TMLHE: variants seen among roughly 807,000 people sequenced by gnomAD.
TMLHE encodes the protein trimethyllysine hydroxylase, epsilon.
TMLHE carries 18 observed loss-of-function variants against 25.7 expected under a neutral mutation model. The observed-to-expected ratio is 0.70, with a 90% CI of 0.48 to 1.04. The LOEUF (loss-of-function observed/expected upper bound fraction) is 1.04. TMLHE is among the 50% of genes least tolerant of loss of function. The pLI, the probability that TMLHE is intolerant of heterozygous loss-of-function variation, is 0.00. For synonymous variants in TMLHE, 105 were observed against 97.0 expected, an observed-to-expected ratio of 1.08 and a Z score of -0.49; for missense variants, 236 against 259.0, an observed-to-expected ratio of 0.91 and a Z score of 0.61.
chrX:155,516,161 T>TC (rs1235301039), intron 3 of TMLHE, among the ~76,000 whole-genome samples: 1 of 41,248 alleles, frequency 2.4e-5, no homozygotes, highest in Non-Finnish European at 4.5e-5. Context: ...ATGCTATCCC[T>TC]CCCCCCTCCC....
intron 1 of TMLHE, among the ~76,000 whole-genome samples, chrX:155,547,237 C>T (rs983582225): frequency 1.2e-4 from 11 of 92,345 alleles, no homozygotes; most frequent in African/African-American, 1.8e-4. Context: ...CTCCGCCTCC[C>T]GGGTTCACGC....
At chrX:155,606,815 AC>A (rs1557347863) in intron 1 of TMLHE, among the ~76,000 whole-genome samples, 1 of 107,341 alleles carries the variant, frequency 9.3e-6, no homozygotes, top group African/African-American at 3.4e-5. Flanking sequence ...AAAAAAAAAA[AC>A]CCCATCAGAG....
chrX:155,581,525 A>G (rs2067628328), intron 1 of TMLHE, among the ~76,000 whole-genome samples: 1 of 111,096 alleles, frequency 9.0e-6, no homozygotes, highest in African/African-American at 3.3e-5. Context: ...CCTATACACC[A>G]ATTACAGACA....
In TMLHE at chrX:155,510,601, A is replaced by G. The variant is rs2067103086; in HGVS notation, c.758+1072T>C. The stretch of plus-strand genomic sequence containing the variant: ...AACTCATCATTTTTTATGGCTGCAT[A>G]GTATTCCATGGTGTATATGTGCCAC... On this transcript the variant is annotated intron_variant, in intron 5 of 7. Transcript: ENST00000334398. Among the ~76,000 whole-genome samples the G allele has an allele frequency of 4.6e-5, 5 of 109,613 alleles. No individual in the cohort carries two copies. In the South Asian group the frequency reaches 2.0e-3, roughly 43 times the overall value.
At chrX:155,568,652 T>C (rs782677909) in intron 1 of TMLHE, among the ~76,000 whole-genome samples, 829 of 49,920 alleles carry the variant, frequency 0.017, 24 homozygotes, top group Non-Finnish European at 0.032. Context: ...AGAGGAACGA[T>C]CAGACAGCAG....
At chrX:155,585,392 G>A (rs1256140619) in intron 1 of TMLHE, among the ~76,000 whole-genome samples, 1 of 96,584 alleles carries the variant, frequency 1.0e-5, no homozygotes, top group Admixed American at 1.2e-4. Context: ...TCAAGCAAGA[G>A]GATATAAATT....
In TMLHE at chrX:155,506,510, T is replaced by A. The variant is rs782084866; in HGVS notation, c.995+388A>T. Among the ~76,000 whole-genome samples the A allele has an allele frequency of 1.3e-4, 15 of 111,463 alleles. 1 individual carries two copies. The highest frequency in any genetic ancestry group is 9.5e-5 in the Non-Finnish European group (5 of 52,864). ...TATGTTTTATATTCTACAAAATATC[T>A]AAGTTGTGATATCAGTAGTCAATTG... On this transcript the variant is annotated intron_variant, in intron 6 of 7. Coordinates refer to ENST00000334398, the MANE Select transcript of TMLHE (RefSeq NM_018196.4).
At position 155,564,297 on chromosome X, in the gene TMLHE, A is replaced by G. The variant is rs1488197414; in HGVS notation, c.-1-19020T>C. Among the ~76,000 whole-genome samples, 20 of 62,220 alleles carry G rather than the reference A, an allele frequency of 3.2e-4. 6 individuals carry two copies. In the Admixed American group the frequency reaches 3.6e-3, roughly 11 times the overall value. The allele number at this position is 62,220 out of a possible 115,157, so 54.0% of individuals were successfully genotyped here. A position where few individuals can be genotyped will look rare whatever the true frequency, so the allele number is the denominator to read the frequency against. ...CAGGTCTTCTAAAAAAGCAGATGCC[A>G]TGATAAAAATAGATGTGCAAGTAAT... On this transcript the variant is annotated intron_variant, in intron 1 of 7. Transcript: ENST00000334398.
intron 1 of TMLHE, among the ~76,000 whole-genome samples, chrX:155,556,350 G>A (rs2067455427): frequency 3.2e-5 from 3 of 94,594 alleles, no homozygotes; most frequent in Admixed American, 1.2e-4. Flanking sequence ...GACCTGCCCC[G>A]ATAATCACGT....
intron 1 of TMLHE, among the ~76,000 whole-genome samples, chrX:155,548,545 CT>C (rs1569562097): frequency 2.8e-5 from 3 of 107,421 alleles, no homozygotes; most frequent in Non-Finnish European, 5.8e-5. Context: ...GCCAGCCTGA[CT>C]AACATGGTGA....
At chrX:155,601,409 G>T (rs1047595311) in intron 1 of TMLHE, among the ~76,000 whole-genome samples, 6 of 111,875 alleles carry the variant, frequency 5.4e-5, no homozygotes, top group African/African-American at 1.6e-4. Context: ...AAAATATACT[G>T]CATTAATAGC....
At chrX:155,593,155 C>G (rs1181430798) in intron 1 of TMLHE, among the ~76,000 whole-genome samples, 1 of 111,939 alleles carries the variant, frequency 8.9e-6, no homozygotes, top group Admixed American at 9.5e-5. Flanking sequence ...GCCTGCACCC[C>G]TGGCCCAACC....
At chrX:155,523,309 G>A (rs1367955934) in intron 3 of TMLHE, among the ~76,000 whole-genome samples, 9 of 110,915 alleles carry the variant, frequency 8.1e-5, no homozygotes, top group Non-Finnish European at 1.1e-4. Flanking sequence ...TATGTTTTAC[G>A]TTTAAGTCCG....
At chrX:155,589,780 G>A (rs2067684970) in intron 1 of TMLHE, among the ~76,000 whole-genome samples, 2 of 111,532 alleles carry the variant, frequency 1.8e-5, no homozygotes, top group Non-Finnish European at 3.8e-5. Context: ...TAAAAGAGAG[G>A]ACTTGAAATG....
chrX:155,607,614 A>C (rs1459066342), intron 1 of TMLHE, among the ~76,000 whole-genome samples: 4 of 111,797 alleles, frequency 3.6e-5, no homozygotes, highest in Non-Finnish European at 7.5e-5. Flanking sequence ...AAAGGAAGTC[A>C]AACTATCTAT....
At chrX:155,543,509 G>C (rs1557338399) in intron 2 of TMLHE, among the ~76,000 whole-genome samples, 2 of 111,860 alleles carry the variant, frequency 1.8e-5, no homozygotes, top group Non-Finnish European at 3.8e-5. Flanking sequence ...ATAAAACATT[G>C]ATTAAATAAA....
intron 6 of TMLHE, among the ~76,000 whole-genome samples, chrX:155,505,741 G>A (rs782136755): frequency 1.2e-4 from 13 of 110,822 alleles, no homozygotes; most frequent in Middle Eastern, 4.7e-3. Flanking sequence ...TTACTCTGTC[G>A]TCACTATAAT....
chrX:155,588,839 T>G (rs1382129842), intron 1 of TMLHE, among the ~76,000 whole-genome samples: 1 of 111,526 alleles, frequency 9.0e-6, no homozygotes, highest in African/African-American at 3.3e-5. Flanking sequence ...AATGAACAAA[T>G]GTTGATGAGG....
chrX:155,521,900 C>G (rs903696560), intron 3 of TMLHE, among the ~76,000 whole-genome samples: 6 of 91,373 alleles, frequency 6.6e-5, no homozygotes, highest in African/African-American at 2.4e-4. Context: ...TGCGCACACA[C>G]ACTGGCCTGC....
Sources: gnomAD v4.1 joint callset for allele counts (sites outside exome capture counted in the v4.1 genomes callset) on GRCh38, gnomAD v4.1.1 for gene constraint, MANE v1.5 for transcripts, NCBI Gene and HGNC (gene_info 2026-07-23, HGNC 2026-07-21) for gene names.